Variants in WWOX observed in about 807,000 individuals in gnomAD.
WWOX encodes the protein WW domain-containing oxidoreductase.
Under a neutral mutation model 46.2 loss-of-function variants are expected in WWOX, and 69 were observed. That is an observed-to-expected ratio of 1.49 (90% CI 1.23 to 1.82). WWOX has a LOEUF of 1.82. WWOX is among the 40% of genes most tolerant of loss of function. The probability of loss-of-function intolerance (pLI) is 0.00; values close to 1 mark genes in which losing one functional copy is unlikely to be tolerated. For synonymous variants in WWOX, 359 were observed against 202.6 expected (o/e 1.77, Z -6.56); for missense variants, 919 against 542.6 (o/e 1.69, Z -6.89).
intron 5 of WWOX, among the ~76,000 whole-genome samples, chr16:78,375,021 C>T (rs2081786905): frequency 6.6e-6 from 1 of 152,118 alleles, no homozygotes; most frequent in African/African-American, 2.4e-5. Flanking sequence ...TGGTGGGAAC[C>T]CATAAACCAC....
At chr16:78,554,131 C>T (rs536563903) in intron 8 of WWOX, among the ~76,000 whole-genome samples, 1 of 152,158 alleles carries the variant, frequency 6.6e-6, no homozygotes, top group Non-Finnish European at 1.5e-5. Flanking sequence ...TTATCAGCTT[C>T]TTGCTACCAT....
intron 8 of WWOX, among the ~76,000 whole-genome samples, chr16:78,811,376 G>C (rs1330757116): frequency 6.6e-6 from 1 of 152,106 alleles, no homozygotes; most frequent in African/African-American, 2.4e-5. Flanking sequence ...ATTCCTTTGA[G>C]AAGCTATCAC....
At chr16:78,506,732 CAG>C (rs2085216771) in intron 8 of WWOX, among the ~76,000 whole-genome samples, 6 of 95,568 alleles carry the variant, frequency 6.3e-5, no homozygotes, top group African/African-American at 2.7e-4. Flanking sequence ...TTTTTTTGTA[CAG>C]AGTCTTGCTC....
At chr16:78,737,394 C>T (rs980272562) in intron 8 of WWOX, among the ~76,000 whole-genome samples, 3 of 152,090 alleles carry the variant, frequency 2.0e-5, no homozygotes, top group African/African-American at 4.8e-5. Flanking sequence ...GCCTCAGCCT[C>T]CCAAAGTGCT....
chr16:79,114,314 A>G (rs1289646462), intron 8 of WWOX, among the ~76,000 whole-genome samples: 1 of 151,966 alleles, frequency 6.6e-6, no homozygotes, highest in Non-Finnish European at 1.5e-5. Flanking sequence ...TGGAGCCTCA[A>G]TCCAGTGACT....
chr16:78,829,707 G>A (rs1298011648), intron 8 of WWOX, among the ~76,000 whole-genome samples: 1 of 152,114 alleles, frequency 6.6e-6, no homozygotes, highest in Non-Finnish European at 1.5e-5. Flanking sequence ...ACAGGTCTAG[G>A]AGTCATTATC....
chr16:78,886,365 A>G (rs75872856), intron 8 of WWOX, among the ~76,000 whole-genome samples: 4,590 of 151,650 alleles, frequency 0.03, 212 homozygotes, highest in East Asian at 0.25. Context: ...TATTTACTCA[A>G]TATTAATTAT....
chr16:78,337,185 T>C (rs1271925770), intron 5 of WWOX, among the ~76,000 whole-genome samples: 1 of 152,212 alleles, frequency 6.6e-6, no homozygotes. Context: ...ATAACCTGTG[T>C]AAGACTGTGT....
chr16:78,960,502 A>C (rs1241823935), intron 8 of WWOX, among the ~76,000 whole-genome samples: 7 of 152,182 alleles, frequency 4.6e-5, no homozygotes, highest in African/African-American at 1.7e-4. Flanking sequence ...GGAGATTACA[A>C]CTGCCTCATT....
intron 8 of WWOX, among the ~76,000 whole-genome samples, chr16:78,600,739 C>G (rs183488221): frequency 2.0e-5 from 3 of 152,324 alleles, no homozygotes; most frequent in Non-Finnish European, 2.9e-5. Context: ...GCCCTGAAGT[C>G]TGGACACTGA....
intron 8 of WWOX, among the ~76,000 whole-genome samples, chr16:78,816,502 C>CTTTT (rs55814418): frequency 0.046 from 1,957 of 42,124 alleles, 339 homozygotes; most frequent in Non-Finnish European, 0.054. Context: ...AGGAGCCACT[C>CTTTT]TTTTTTTTTT....
At chr16:78,631,414 G>A (rs1277795451) in intron 8 of WWOX, among the ~76,000 whole-genome samples, 1 of 152,068 alleles carries the variant, frequency 6.6e-6, no homozygotes. Flanking sequence ...TTCCAGCTAT[G>A]GCAAACTGCG....
At chr16:78,357,388 C>T (rs893466885) in intron 5 of WWOX, among the ~76,000 whole-genome samples, 1 of 152,114 alleles carries the variant, frequency 6.6e-6, no homozygotes, top group African/African-American at 2.4e-5. Context: ...CTTGCTTCTC[C>T]CTGCATAGCC....
chr16:79,069,903 T>C (rs924935406), intron 8 of WWOX, among the ~76,000 whole-genome samples: 9 of 152,236 alleles, frequency 5.9e-5, no homozygotes, highest in African/African-American at 1.7e-4. Context: ...TTCAAATTTT[T>C]TCCCCCTCTA....
At chr16:79,084,291 C>T (rs1445709700) in intron 8 of WWOX, among the ~76,000 whole-genome samples, 1 of 152,030 alleles carries the variant, frequency 6.6e-6, no homozygotes, top group Non-Finnish European at 1.5e-5. Flanking sequence ...AGAAGTAGAA[C>T]TCTAAATAGA....
chr16:78,317,000 G>T (rs188712377), intron 5 of WWOX, among the ~76,000 whole-genome samples: 5 of 152,192 alleles, frequency 3.3e-5, no homozygotes, highest in Admixed American at 3.3e-4. Context: ...AAAGATGAAG[G>T]AAAGTTGCTT....
At position 78,343,317 on chromosome 16, in the gene WWOX, G is replaced by A. The variant is rs540888434; in HGVS notation, c.517-43543G>A. 1.3e-4 allele frequency among the ~76,000 whole-genome samples: 16 copies of A among 120,806 alleles called. 4 individuals are homozygous for A. The highest frequency in any genetic ancestry group is 2.5e-4 in the African/African-American group (9 of 35,634). 79.3% of individuals were successfully genotyped at this position (120,806 alleles called of 152,430 possible). A position where few individuals can be genotyped will look rare whatever the true frequency, so the allele number is the denominator to read the frequency against. Reference sequence around the variant, plus strand: ...AAACTAATCCATAACCCACCGCCACGTTCCTCGCCTACTTGCTTCTAGGCA... The same window carrying A: ...AAACTAATCCATAACCCACCGCCACATTCCTCGCCTACTTGCTTCTAGGCA... On this transcript the variant is annotated intron_variant, in intron 5 of 8. Transcript: ENST00000566780.
At chr16:79,150,954 A>G (rs1388652142) in intron 8 of WWOX, among the ~76,000 whole-genome samples, 1 of 152,150 alleles carries the variant, frequency 6.6e-6, no homozygotes, top group Non-Finnish European at 1.5e-5. Flanking sequence ...AGCCTAGTTT[A>G]TTCTAGGCTC....
intron 5 of WWOX, among the ~76,000 whole-genome samples, chr16:78,234,200 T>G (rs9940886): frequency 1.3e-5 from 2 of 151,820 alleles, no homozygotes; most frequent in Non-Finnish European, 2.9e-5. Flanking sequence ...TTTGTGAATG[T>G]TAATATACAG....
Sources: gnomAD v4.1 joint callset for allele counts (sites outside exome capture counted in the v4.1 genomes callset) on GRCh38, gnomAD v4.1.1 for gene constraint, MANE v1.5 for transcripts, NCBI Gene and HGNC (gene_info 2026-07-23, HGNC 2026-07-21) for gene names.